DAB1: variants seen among roughly 807,000 people sequenced by gnomAD.
The protein encoded by DAB1 is disabled homolog 1.
A neutral mutation model predicts 64.6 loss-of-function variants in DAB1; 15 were observed. The observed-to-expected ratio is 0.23, with a 90% CI of 0.16 to 0.36. DAB1 has a LOEUF of 0.36. DAB1 is among the 10% of genes least tolerant of loss of function. DAB1 has a pLI of 1.00. For missense variants in DAB1, 596 were observed against 706.7 expected (o/e 0.84, Z 1.78); for synonymous variants, 235 against 251.9 (o/e 0.93, Z 0.64).
chr1:57,540,069 A>T (rs867692277), intron 7 of DAB1, among the ~76,000 whole-genome samples: 1 of 152,238 alleles, frequency 6.6e-6, no homozygotes, highest in African/African-American at 2.4e-5. Flanking sequence ...TAGCACACTT[A>T]TTGAATATCT....
intron 7 of DAB1, among the ~76,000 whole-genome samples, chr1:57,443,360 AT>A (rs1686023144): frequency 6.6e-6 from 1 of 152,192 alleles, no homozygotes; most frequent in Non-Finnish European, 1.5e-5. Context: ...TCTAAAAGAG[AT>A]GTTGCTGGAA....
intron 3 of DAB1, among the ~76,000 whole-genome samples, chr1:58,490,089 G>A (rs576967092): frequency 4.3e-4 from 66 of 152,370 alleles, no homozygotes; most frequent in African/African-American, 1.4e-3. Flanking sequence ...AAAGCTGGAC[G>A]CAGAATGACT....
At chr1:57,897,745 T>TA (rs145439947) in intron 5 of DAB1, among the ~76,000 whole-genome samples, 241 of 152,124 alleles carry the variant, frequency 1.6e-3, no homozygotes, top group African/African-American at 5.6e-3. Context: ...GCAGGAATGT[T>TA]AGAGGAGGAG....
In DAB1 at chr1:57,804,981, AG is replaced by A. The variant is rs537481050; in HGVS notation, n.551+79017del. ...GGAAGGACAGAGAAAGCTATCCCAGAGGGGAACAGAATCAATCCAAGCTGCT... is the reference window on the plus strand; with the variant it reads ...GGAAGGACAGAGAAAGCTATCCCAGAGGGAACAGAATCAATCCAAGCTGCT... On this transcript the variant is annotated intron_variant and non_coding_transcript_variant, in intron 6 of 20. Coordinates refer to the DAB1 transcript ENST00000485760. 3.2e-3 allele frequency among the ~76,000 whole-genome samples: 490 copies of A among 152,348 alleles called. 4 individuals carry two copies. The highest frequency in any genetic ancestry group is 3.9e-3 in the Non-Finnish European group (262 of 68,032).
intron 6 of DAB1, among the ~76,000 whole-genome samples, chr1:57,698,541 G>A (rs2101727008): frequency 6.6e-6 from 1 of 152,280 alleles, no homozygotes; most frequent in South Asian, 2.1e-4. Flanking sequence ...TTTCCAACAA[G>A]AGTATGTCGT....
intron 7 of DAB1, among the ~76,000 whole-genome samples, chr1:57,613,577 T>C (rs1367543656): frequency 6.6e-6 from 1 of 152,246 alleles, no homozygotes; most frequent in Non-Finnish European, 1.5e-5. Flanking sequence ...TAGATGGCGA[T>C]GTTCTTCTCT....
Position 58,048,289 on chromosome 1 carries a change from G to A in DAB1, n.387+102222C>T. 3.2e-6 allele frequency: 4 copies of A among 1,263,016 alleles called. No individual in the cohort carries two copies. The South Asian group carries it at 4.7e-5, about 15-fold the overall frequency. 78.2% of individuals were successfully genotyped at this position (1,263,016 alleles called of 1,614,324 possible). ...CACCGCCATAGGGGCCAGAGCTTCT[G>A]CCTCCAAAATCTCCCCCCTTCATGG... On this transcript the variant is annotated intron_variant and non_coding_transcript_variant, in intron 5 of 20. Coordinates refer to the DAB1 transcript ENST00000485760.
chr1:58,417,689 G>C (rs977506388), intron 3 of DAB1, among the ~76,000 whole-genome samples: 4 of 152,172 alleles, frequency 2.6e-5, no homozygotes, highest in Non-Finnish European at 5.9e-5. Flanking sequence ...AAGTGCTGCT[G>C]CTAGGTGGAA....
chr1:58,531,481 T>A (rs1434486426), intron 1 of DAB1, among the ~76,000 whole-genome samples: 1 of 152,230 alleles, frequency 6.6e-6, no homozygotes, highest in Non-Finnish European at 1.5e-5. Context: ...ACTAGATTGT[T>A]CATGGTTTGC....
At chr1:57,114,235 G>A (rs960057590) in intron 4 of DAB1, among the ~76,000 whole-genome samples, 7 of 146,706 alleles carry the variant, frequency 4.8e-5, no homozygotes, top group African/African-American at 1.7e-4. Context: ...CGAGAAAATG[G>A]AACAAACGCC....
At chr1:57,316,452 C>T (rs533113883) in intron 1 of DAB1, among the ~76,000 whole-genome samples, 73 of 152,152 alleles carry the variant, frequency 4.8e-4, no homozygotes, top group African/African-American at 1.6e-3. Flanking sequence ...CAGCAATTAC[C>T]GGACAAATGC....
At chr1:57,597,309 G>GA (rs1232635195) in intron 7 of DAB1, among the ~76,000 whole-genome samples, 29 of 152,326 alleles carry the variant, frequency 1.9e-4, no homozygotes, top group Admixed American at 6.5e-4. Context: ...ATCTCTTGCA[G>GA]AAAAATGGGA....
intron 7 of DAB1, among the ~76,000 whole-genome samples, chr1:57,542,154 G>A (rs1362018691): frequency 2.0e-5 from 3 of 152,222 alleles, no homozygotes; most frequent in Non-Finnish European, 4.4e-5. Flanking sequence ...GCCCAAGGCA[G>A]CAGCTAGCTC....
intron 7 of DAB1, among the ~76,000 whole-genome samples, chr1:57,599,609 A>C (rs1645552669): frequency 6.6e-6 from 1 of 152,100 alleles, no homozygotes; most frequent in Admixed American, 6.5e-5. Context: ...GTACTTACTG[A>C]CAGTTGGGTG....
chr1:58,089,290 C>A (rs141377046), intron 5 of DAB1, among the ~76,000 whole-genome samples: 18 of 152,362 alleles, frequency 1.2e-4, no homozygotes, highest in African/African-American at 4.3e-4. Flanking sequence ...AGCTGCCTTG[C>A]GGCATTGTTG....
At chr1:57,480,863 G>A (rs1447593568) in intron 7 of DAB1, among the ~76,000 whole-genome samples, 1 of 151,726 alleles carries the variant, frequency 6.6e-6, no homozygotes. Context: ...GAAAGCTGAG[G>A]CTCAGAGAAG....
At chr1:58,183,493 G>T (rs1309065484) in intron 4 of DAB1, among the ~76,000 whole-genome samples, 1 of 152,134 alleles carries the variant, frequency 6.6e-6, no homozygotes, top group Non-Finnish European at 1.5e-5. Flanking sequence ...CTTTTGGCTA[G>T]TCTGTTGACT....
At chr1:58,470,302 CA>C (rs1168366604) in intron 3 of DAB1, among the ~76,000 whole-genome samples, 2 of 151,952 alleles carry the variant, frequency 1.3e-5, no homozygotes, top group Non-Finnish European at 2.9e-5. Flanking sequence ...GCCTCCCAAG[CA>C]GGTGGGATTA....
At chr1:57,240,606 C>T (rs979234388) in intron 2 of DAB1, among the ~76,000 whole-genome samples, 1 of 152,144 alleles carries the variant, frequency 6.6e-6, no homozygotes, top group Admixed American at 6.5e-5. Flanking sequence ...AAACTCAGGT[C>T]TTCTGATTGT....
Sources: allele counts gnomAD v4.1 joint callset (sites outside exome capture counted in the v4.1 genomes callset), GRCh38; gene constraint gnomAD v4.1.1; transcripts MANE v1.5; gene names NCBI Gene and HGNC (gene_info 2026-07-23, HGNC 2026-07-21).